Variants in DEAF1 observed in about 807,000 individuals in gnomAD.
The protein encoded by DEAF1 is deformed epidermal autoregulatory factor 1 homolog.
In DEAF1, 53 loss-of-function variants were observed where a neutral mutation model predicts 58.9. The ratio of observed to expected loss-of-function variants is 0.90; its 90% CI spans 0.72 to 1.13. DEAF1 has a LOEUF of 1.13. Ranked by LOEUF, DEAF1 falls within the 50% of genes most tolerant of loss-of-function variation. The probability of loss-of-function intolerance (pLI) is 0.00; values close to 1 mark genes in which losing one functional copy is unlikely to be tolerated. For missense variants in DEAF1, 685 were observed against 791.4 expected (o/e 0.87, Z 1.61); for synonymous variants, 385 against 340.4 (o/e 1.13, Z -1.44).
chr11:689,400 A>G (rs549047309), intron 2 of DEAF1, among the ~76,000 whole-genome samples: 1 of 150,450 alleles, frequency 6.6e-6, no homozygotes, highest in Admixed American at 6.6e-5. Flanking sequence ...TTTAGTAGAG[A>G]TGGGGTTTCA....
At chr11:652,092 T>TAGG (rs1858800497) in intron 11 of DEAF1, among the ~76,000 whole-genome samples, 1 of 152,204 alleles carries the variant, frequency 6.6e-6, no homozygotes, top group Non-Finnish European at 1.5e-5. Flanking sequence ...GACCATACGC[T>TAGG]AGGCCCTAAC....
At chr11:701,169 G>A in intron 1 of DEAF1, 1 of 190,648 alleles carries the variant, frequency 5.2e-6, no homozygotes, top group Non-Finnish European at 1.1e-5. Flanking sequence ...CCCCAAGTCT[G>A]CAACCCCTTC....
intron 5 of DEAF1, among the ~76,000 whole-genome samples, chr11:686,456 A>T (rs1489611547): frequency 6.6e-6 from 1 of 152,216 alleles, no homozygotes; most frequent in African/African-American, 2.4e-5. Flanking sequence ...TGGAATAGGA[A>T]TTAGAAGTCC....
Position 704,395 on chromosome 11 carries a change from C to T in DEAF1, c.-438+2177G>A, listed in dbSNP as rs887580575. ...TGTCTTCGTGGAAGCGGTGGGAGCACCCAGTTGTCCTGGGCCGACTTCCTT... is the reference window on the plus strand; with the variant it reads ...TGTCTTCGTGGAAGCGGTGGGAGCATCCAGTTGTCCTGGGCCGACTTCCTT... On this transcript the variant is annotated intron_variant, in intron 1 of 11. Coordinates refer to the DEAF1 transcript ENST00000683307. 9.9e-6 allele frequency: 12 copies of T among 1,213,122 alleles called. No homozygotes were observed. In the African/African-American group the frequency reaches 1.7e-4, roughly 17 times the overall value. The allele number at this position is 1,213,122 out of a possible 1,614,324, so 75.1% of individuals were successfully genotyped here. A position where few individuals can be genotyped will look rare whatever the true frequency, so the allele number is the denominator to read the frequency against.
In DEAF1 at chr11:644,792, C is replaced by G; in HGVS notation, c.1594-138G>C. ...TGCTGAGAATGCCCTCCCCAGCCCCCGTGCGCCCAAACTCTGGTGGGCTCT... is the reference window on the plus strand; with the variant it reads ...TGCTGAGAATGCCCTCCCCAGCCCCGGTGCGCCCAAACTCTGGTGGGCTCT... On this transcript the variant is annotated intron_variant, in intron 11 of 11. Transcript: ENST00000382409. The surrounding 1 kb of genome is among the most constrained non-coding windows in gnomAD (Gnocchi z 4.3). 1.4e-6 allele frequency: 1 copy of G among 713,540 alleles called. No individual in the cohort carries two copies. Among genetic ancestry groups the G allele is most frequent in the Non-Finnish European group, 2.5e-6 (1 of 398,898 alleles). The allele number at this position is 713,540 out of a possible 1,614,324, so 44.2% of individuals were successfully genotyped here.
chr11:644,476 CAGG>C lies in DEAF1; in HGVS notation c.*71_*73del. The C allele has an allele frequency of 8.5e-7, 1 of 1,175,730 alleles. No homozygotes were observed. The highest frequency in any genetic ancestry group is 2.4e-5 in the East Asian group (1 of 41,126). The allele number at this position is 1,175,730 out of a possible 1,614,324, so 72.8% of individuals were successfully genotyped here. A position where few individuals can be genotyped will look rare whatever the true frequency, so the allele number is the denominator to read the frequency against. On this transcript the variant is annotated 3_prime_UTR_variant, in exon 12 of 12. Transcript: ENST00000382409. This position sits in a 1 kb window ranked among gnomAD's most constrained non-coding sequence, Gnocchi z 4.3. The stretch of plus-strand genomic sequence containing the variant: ...CTTCTCAACGTCCCCCCAGAGTCCT[CAGG>C]GGGGCCTTCGACCTGCAAAAGCCTC...
intron 10 of DEAF1, among the ~76,000 whole-genome samples, chr11:661,330 C>A (rs1488608835): frequency 6.6e-6 from 1 of 152,104 alleles, no homozygotes; most frequent in Non-Finnish European, 1.5e-5. Context: ...TACATACACA[C>A]GAATGCAGAT....
chr11:703,285 C>T (rs1023035956), intron 1 of DEAF1: 2 of 1,438,590 alleles, frequency 1.4e-6, no homozygotes, highest in South Asian at 1.6e-5. Context: ...TGGATGGTTC[C>T]ATCTGTTCTG....
At chr11:665,418 C>G (rs542489319) in intron 10 of DEAF1, among the ~76,000 whole-genome samples, 88 of 152,336 alleles carry the variant, frequency 5.8e-4, no homozygotes, top group African/African-American at 2.0e-3. Context: ...AAAGGGAACA[C>G]ATCGCTTCTA....
chr11:670,589 CCT>C (rs1859768333), intron 10 of DEAF1, among the ~76,000 whole-genome samples: 1 of 151,508 alleles, frequency 6.6e-6, no homozygotes, highest in Non-Finnish European at 1.5e-5. Context: ...GTTGCACATA[CCT>C]GTAATCCCAG....
At chr11:679,445 G>T (rs986469479) in intron 8 of DEAF1, among the ~76,000 whole-genome samples, 1 of 152,226 alleles carries the variant, frequency 6.6e-6, no homozygotes, top group Non-Finnish European at 1.5e-5. Context: ...GGCAGACAGA[G>T]AGTATTTTCA....
At chr11:705,774 C>G (rs1861686398) in intron 1 of DEAF1, among the ~76,000 whole-genome samples, 1 of 152,188 alleles carries the variant, frequency 6.6e-6, no homozygotes, top group Admixed American at 6.5e-5. Flanking sequence ...CTCCCCAGGG[C>G]TGGAGCCCTC....
intron 4 of DEAF1, 86 bp downstream of exon 4, chr11:687,825 G>A: frequency 6.3e-7 from 1 of 1,577,240 alleles, no homozygotes; most frequent in Non-Finnish European, 8.7e-7. Context: ...TAGGTGCCAT[G>A]ATTTTCATCT....
intron 9 of DEAF1, among the ~76,000 whole-genome samples, chr11:675,907 CCCCCCAGCA>C (rs1860029163): frequency 7.8e-6 from 1 of 127,564 alleles, no homozygotes; most frequent in African/African-American, 2.9e-5. Flanking sequence ...TGCCTGACAT[CCCCCCAGCA>C]CCTGACACCC....
At chr11:648,406 A>G (rs1304772868) in intron 11 of DEAF1, among the ~76,000 whole-genome samples, 2 of 152,080 alleles carry the variant, frequency 1.3e-5, no homozygotes, top group African/African-American at 4.8e-5. Flanking sequence ...CATGTTAGCC[A>G]GGATGGTCTC....
chr11:661,749 G>A (rs530722622), intron 10 of DEAF1, among the ~76,000 whole-genome samples: 13 of 152,214 alleles, frequency 8.5e-5, no homozygotes, highest in Admixed American at 5.9e-4. Context: ...AATCGGCAGC[G>A]TCACGCCTGC....
chr11:678,233 G>A (rs1306101526), intron 9 of DEAF1: 1 of 190,808 alleles, frequency 5.2e-6, no homozygotes, highest in Non-Finnish European at 1.1e-5. Context: ...GCAGTTAAAC[G>A]AAAAATCAAA....
chr11:695,587 A>C, upstream of DEAF1: 1 of 1,241,128 alleles, frequency 8.1e-7, no homozygotes, highest in Non-Finnish European at 1.0e-6. Context: ...AGCCGAGACG[A>C]GCCGAATGTC....
At chr11:694,436 G>GT (rs2133434563) in intron 1 of DEAF1, 1 of 271,596 alleles carries the variant, frequency 3.7e-6, no homozygotes, top group Non-Finnish European at 6.9e-6. Context: ...TGCGAGGCAG[G>GT]TATTTGTGGC....
Sources: allele counts gnomAD v4.1 joint callset (sites outside exome capture counted in the v4.1 genomes callset), GRCh38; gene constraint gnomAD v4.1.1; non-coding constraint Gnocchi (gnomAD v3.1); transcripts MANE v1.5; gene names NCBI Gene and HGNC (gene_info 2026-07-23, HGNC 2026-07-21).